The following SCAPER variants were observed in gnomAD, a reference collection of about 807,000 sequenced individuals.
SCAPER encodes the protein S phase cyclin A-associated protein in the endoplasmic reticulum.
Under a neutral mutation model 182.2 loss-of-function variants are expected in SCAPER, and 98 were observed. That is an observed-to-expected ratio of 0.54 (90% CI 0.46 to 0.64). The LOEUF is 0.64. Among genes scored for constraint, SCAPER ranks in the 30% least tolerant of loss-of-function variants. SCAPER has a pLI of 0.00. For missense variants in SCAPER, 1,432 were observed against 1,690.0 expected (o/e 0.85, Z 2.68); for synonymous variants, 605 against 564.6 (o/e 1.07, Z -1.01).
At chr15:76,572,911 T>TCACACACA (rs67724539) in intron 23 of SCAPER, among the ~76,000 whole-genome samples, 5,632 of 108,826 alleles carry the variant, frequency 0.052, 147 homozygotes, top group Non-Finnish European at 0.071. Context: ...TCTCTCTCTC[T>TCACACACA]CTCTCTCTCA....
chr15:76,811,814 A>T (rs182852462), intron 5 of SCAPER, among the ~76,000 whole-genome samples: 22 of 151,804 alleles, frequency 1.4e-4, no homozygotes, highest in Non-Finnish European at 2.4e-4. Flanking sequence ...AAAAAATAAA[A>T]AAAATAAAAT....
chr15:76,491,717 C>T (rs1306288274), intron 24 of SCAPER, among the ~76,000 whole-genome samples: 3 of 152,086 alleles, frequency 2.0e-5, no homozygotes, highest in Admixed American at 6.6e-5. Flanking sequence ...CTGCAACCCC[C>T]GCCTCCTGGG....
rs550527444 is a variant in SCAPER, at chr15:76,711,324, T to C, written c.2166-5340A>G. On this transcript the variant is annotated intron_variant, in intron 17 of 31. Coordinates refer to ENST00000563290, the MANE Select transcript of SCAPER (RefSeq NM_020843.4). ...TATATCCAGAACATATAAAGAATTC[T>C]TACAACTCATTAACAAAATGACCCA... 2.0e-5 allele frequency among the ~76,000 whole-genome samples: 3 copies of C among 152,282 alleles called. No individual in the cohort carries two copies. In the South Asian group the frequency reaches 6.2e-4, roughly 32 times the overall value.
chr15:76,742,094 C>A (rs1899555), intron 15 of SCAPER, among the ~76,000 whole-genome samples: 1 of 151,954 alleles, frequency 6.6e-6, no homozygotes, highest in African/African-American at 2.4e-5. Context: ...CAGAAGTTTT[C>A]TAGAAAAAGA....
chr15:76,375,687 A>C (rs928616445), intron 29 of SCAPER, among the ~76,000 whole-genome samples: 1 of 152,204 alleles, frequency 6.6e-6, no homozygotes, highest in African/African-American at 2.4e-5. Context: ...TTCTTATCAA[A>C]TCTATTTGAA....
chr15:76,489,861 TTTTA>T (rs2052106593), intron 24 of SCAPER, among the ~76,000 whole-genome samples: 1 of 152,212 alleles, frequency 6.6e-6, no homozygotes, highest in South Asian at 2.1e-4. Flanking sequence ...AATTTAAATA[TTTTA>T]GATACCTCAT....
chr15:76,750,445 T>C (rs980618485), intron 15 of SCAPER, among the ~76,000 whole-genome samples: 1 of 151,874 alleles, frequency 6.6e-6, no homozygotes, highest in Non-Finnish European at 1.5e-5. Flanking sequence ...GGGCCAGCAT[T>C]ACCCTGATAC....
At position 76,654,422 on chromosome 15, in the gene SCAPER, A is replaced by G. The variant is rs149738322; in HGVS notation, c.2645+11231T>C. Among the ~76,000 whole-genome samples, 1,400 of 152,272 alleles carry G rather than the reference A, an allele frequency of 9.2e-3. 22 individuals carry two copies. Among genetic ancestry groups the G allele is most frequent in the African/African-American group, 0.032 (1,329 of 41,566 alleles). ...GACTCCGTCTCAAAACAAAACCACA[A>G]TGAGATACCATCTCATACCACTAAC... On this transcript the variant is annotated intron_variant, in intron 21 of 31. Transcript: ENST00000563290.
intron 27 of SCAPER, 51 bp from the exon 28 acceptor site, chr15:76,381,666 G>C (rs1447174334): frequency 7.2e-7 from 1 of 1,394,752 alleles, no homozygotes; most frequent in Middle Eastern, 1.8e-4. Context: ...ATGGATGTTA[G>C]CAATTTGTAT....
intron 8 of SCAPER, among the ~76,000 whole-genome samples, chr15:76,787,081 C>T (rs971506650): frequency 1.3e-5 from 2 of 152,118 alleles, no homozygotes; most frequent in African/African-American, 4.8e-5. Context: ...CTAAATTGAT[C>T]CATCATTGTA....
intron 26 of SCAPER, among the ~76,000 whole-genome samples, chr15:76,431,839 G>A (rs2046892058): frequency 6.6e-6 from 1 of 152,018 alleles, no homozygotes; most frequent in Non-Finnish European, 1.5e-5. Flanking sequence ...AGAAAGACTG[G>A]CATGGTATTT....
intron 21 of SCAPER, among the ~76,000 whole-genome samples, chr15:76,633,022 G>C (rs2053264211): frequency 1.3e-5 from 2 of 152,054 alleles, no homozygotes; most frequent in Admixed American, 1.3e-4. Flanking sequence ...TGATCCGCCT[G>C]CCTCGGCCTC....
Position 76,472,215 on chromosome 15 carries a change from C to G in SCAPER, c.2955-880G>C, listed in dbSNP as rs537555417. On this transcript the variant is annotated intron_variant, in intron 24 of 31. Coordinates refer to ENST00000563290, the MANE Select transcript of SCAPER (RefSeq NM_020843.4). ...TGCTCCTCCAAAGCCAGAGCCCAAC[C>G]CTAAAAAGTCCCCTGCAAAGGAGAG... 5.9e-5 allele frequency: 31 copies of G among 527,282 alleles called. No individual in the cohort carries two copies. The East Asian group carries it at 1.4e-3, about 24-fold the overall frequency. 32.7% of individuals were successfully genotyped at this position (527,282 alleles called of 1,614,324 possible).
At chr15:76,611,182 A>C (rs924032602) in intron 22 of SCAPER, among the ~76,000 whole-genome samples, 2 of 152,192 alleles carry the variant, frequency 1.3e-5, no homozygotes, top group Non-Finnish European at 2.9e-5. Context: ...CTCTTCAACA[A>C]ATGGTGTTAG....
intron 24 of SCAPER, among the ~76,000 whole-genome samples, chr15:76,476,733 C>T (rs1367250922): frequency 2.0e-5 from 3 of 151,732 alleles, no homozygotes; most frequent in Admixed American, 6.6e-5. Context: ...AGGCGTTAGC[C>T]AACACACCTA....
intron 23 of SCAPER, among the ~76,000 whole-genome samples, chr15:76,525,992 T>A (rs1337853489): frequency 1.3e-5 from 2 of 152,216 alleles, no homozygotes; most frequent in African/African-American, 4.8e-5. Context: ...GTAGACGCAT[T>A]CCTTTTTCTC....
intron 25 of SCAPER, among the ~76,000 whole-genome samples, chr15:76,452,971 C>A (rs1435378389): frequency 2.0e-5 from 3 of 152,050 alleles, no homozygotes; most frequent in Non-Finnish European, 4.4e-5. Context: ...GCTGGGATTA[C>A]GGGTGTGTGC....
In SCAPER at chr15:76,410,216, C is replaced by T. The variant is rs144672760; in HGVS notation, c.3312-5537G>A. 7.2e-4 allele frequency among the ~76,000 whole-genome samples: 110 copies of T among 152,318 alleles called. No homozygotes were observed. The East Asian group carries it at 0.019, about 27-fold the overall frequency. On this transcript the variant is annotated intron_variant, in intron 26 of 31. Transcript: ENST00000563290. ...TCATTATCTCTTCTGAAATCTCCTT[C>T]TCCCACTATTCTTGTCCAAATGAAT...
chr15:76,705,868 T>C, intron 18 of SCAPER, 35 bp downstream of exon 18: 1 of 1,457,832 alleles, frequency 6.9e-7, no homozygotes, highest in South Asian at 1.3e-5. Context: ...CTGTAAGCTC[T>C]AAAATTTCAA....
Sources: gnomAD v4.1 joint callset for allele counts (sites outside exome capture counted in the v4.1 genomes callset) on GRCh38, gnomAD v4.1.1 for gene constraint, MANE v1.5 for transcripts, NCBI Gene and HGNC (gene_info 2026-07-23, HGNC 2026-07-21) for gene names.